Variants in WDFY4 observed in about 807,000 individuals in gnomAD.
WDFY4 encodes the protein WD repeat- and FYVE domain-containing protein 4.
A neutral mutation model predicts 351.9 loss-of-function variants in WDFY4; 169 were observed. That is an observed-to-expected ratio of 0.48 (90% CI 0.42 to 0.55). The LOEUF is 0.55. WDFY4 is among the 20% of genes least tolerant of loss of function. WDFY4 has a pLI of 0.00. For missense variants in WDFY4, 3,803 were observed against 3,935.6 expected, an observed-to-expected ratio of 0.97 and a Z score of 0.90; for synonymous variants, 1,622 against 1,574.6, an observed-to-expected ratio of 1.03 and a Z score of -0.71.
At chr10:48,777,304 G>C in intron 16 of WDFY4, 115 bp from the exon 17 acceptor site, 1 of 1,004,236 alleles carries the variant, frequency 1.0e-6, no homozygotes, top group Admixed American at 2.0e-5. Context: ...GGTCTAAGGA[G>C]GGTTACAGTG....
At chr10:48,942,381 T>C (rs1269940099) in intron 48 of WDFY4, among the ~76,000 whole-genome samples, 1 of 151,622 alleles carries the variant, frequency 6.6e-6, no homozygotes, top group Non-Finnish European at 1.5e-5. Flanking sequence ...CGTGTGTGCG[T>C]GTGTGTGTGT....
At chr10:48,853,331 C>T (rs1196541515) in intron 39 of WDFY4, among the ~76,000 whole-genome samples, 1 of 152,200 alleles carries the variant, frequency 6.6e-6, no homozygotes, top group Non-Finnish European at 1.5e-5. Flanking sequence ...AAAATGTCTT[C>T]ATGTCACACA....
intron 18 of WDFY4, 49 bp downstream of exon 18, chr10:48,778,881 G>A (rs1220123435): frequency 1.3e-6 from 2 of 1,535,236 alleles, no homozygotes; most frequent in African/African-American, 2.7e-5. Flanking sequence ...TGGGGGAAAT[G>A]GGGCTAAGTC....
At chr10:48,826,590 T>A (rs6537578) in intron 35 of WDFY4, 81 bp from the exon 36 acceptor site, 145,179 of 1,105,256 alleles carry the variant, frequency 0.13, 10,928 homozygotes, top group African/African-American at 0.3. Flanking sequence ...ATTATACTAT[T>A]TTTGTGGTAA....
chr10:48,740,691 G>A (rs1002321659), intron 11 of WDFY4, among the ~76,000 whole-genome samples: 8 of 152,250 alleles, frequency 5.3e-5, no homozygotes, highest in African/African-American at 1.9e-4. Context: ...GGAGAAAGCA[G>A]TATCATTGCC....
intron 57 of WDFY4, 85 bp from the exon 58 acceptor site, chr10:48,974,777 A>G (rs73298969): frequency 0.06 from 80,887 of 1,357,972 alleles, 3,951 homozygotes; most frequent in African/African-American, 0.23. Context: ...CTCATCCAGC[A>G]CCCAGCTTTA....
intron 38 of WDFY4, 52 bp downstream of exon 38, chr10:48,830,937 C>G: frequency 6.6e-7 from 1 of 1,517,362 alleles, no homozygotes; most frequent in Non-Finnish European, 8.9e-7. Context: ...CTCACAGAGC[C>G]AGACTCCCGC....
At chr10:48,893,349 G>A (rs999358744) in intron 44 of WDFY4, among the ~76,000 whole-genome samples, 1 of 152,160 alleles carries the variant, frequency 6.6e-6, no homozygotes, top group African/African-American at 2.4e-5. Flanking sequence ...ACAGTGTGAG[G>A]TACTGAGGGT....
chr10:48,811,701 G>C lies in WDFY4; in HGVS notation c.5207G>C (p.Gly1736Ala). The C allele has an allele frequency of 6.4e-7, 1 of 1,551,526 alleles. No individual in the cohort carries two copies. The highest frequency in any genetic ancestry group is 8.7e-7 in the Non-Finnish European group (1 of 1,146,906). Reference protein sequence around the residue: ...LQTPLTELMDGPKDSLDAMLQ... With the variant: ...LQTPLTELMDAPKDSLDAMLQ... ...ACACCACTCACAGAGCTGATGGACG[G>C]GCCCAAAGTAGGTTTTCAGAGCACC... The change falls in exon 30 of 62, where the codon GGG becomes GCG. Residue 1736 changes from glycine (G) to alanine (A), a missense_variant. Physicochemically the swap from Gly to Ala is moderately conservative, Grantham distance 60 (BLOSUM62 0). Transcript: ENST00000325239.
At position 48,941,781 on chromosome 10, in the gene WDFY4, A is replaced by G. The variant is rs1331702024; in HGVS notation, c.7587-25A>G. The G allele has an allele frequency of 1.9e-6, 3 of 1,551,432 alleles. No homozygotes were observed. In the South Asian group the frequency reaches 3.6e-5, roughly 18 times the overall value. On this transcript the variant is annotated intron_variant, in intron 47 of 61. Transcript: ENST00000325239. ...TATTCTTGCCTTGGTATATTTAGTC[A>G]CCACCTTGGTTTTCTGTCCCACAGG...
At chr10:48,915,376 C>T (rs1401792161) in intron 47 of WDFY4, among the ~76,000 whole-genome samples, 2 of 151,704 alleles carry the variant, frequency 1.3e-5, no homozygotes, top group African/African-American at 2.4e-5. Context: ...TTCTGGGACC[C>T]CCTTTTCTTT....
intron 47 of WDFY4, among the ~76,000 whole-genome samples, chr10:48,941,434 G>A (rs898999171): frequency 3.3e-5 from 5 of 152,132 alleles, no homozygotes; most frequent in South Asian, 2.1e-4. Flanking sequence ...TTTTATCCAC[G>A]AGCAAAACAA....
chr10:48,778,466 C>T (rs1191635667), intron 17 of WDFY4, 145 bp from the exon 18 acceptor site: 5 of 804,864 alleles, frequency 6.2e-6, no homozygotes, highest in Non-Finnish European at 9.8e-6. Context: ...AGGCAGCATG[C>T]CATAATGGGG....
At chr10:48,838,937 G>A (rs1183248459) in intron 39 of WDFY4, among the ~76,000 whole-genome samples, 1 of 152,220 alleles carries the variant, frequency 6.6e-6, no homozygotes, top group South Asian at 2.1e-4. Context: ...TCCTGCTGAT[G>A]AGAGGAGGGT....
intron 43 of WDFY4, chr10:48,878,793 G>C (rs527889319): frequency 3.9e-5 from 6 of 152,646 alleles, no homozygotes; most frequent in East Asian, 1.9e-4. Context: ...TGACCTCAGC[G>C]CTTCACCTGT....
chr10:48,877,825 C>T (rs190619586), intron 43 of WDFY4, among the ~76,000 whole-genome samples: 4 of 152,334 alleles, frequency 2.6e-5, no homozygotes, highest in Admixed American at 2.6e-4. Flanking sequence ...CGGAGCCCCA[C>T]TCTTCGTGTG....
At chr10:48,746,467 A>G (rs1336921109) in intron 12 of WDFY4, among the ~76,000 whole-genome samples, 1 of 151,974 alleles carries the variant, frequency 6.6e-6, no homozygotes, top group Non-Finnish European at 1.5e-5. Flanking sequence ...TTTTTCTTGT[A>G]AACAATAAGG....
At chr10:48,954,040 C>T (rs1383267180) in intron 51 of WDFY4, among the ~76,000 whole-genome samples, 1 of 152,216 alleles carries the variant, frequency 6.6e-6, no homozygotes, top group Non-Finnish European at 1.5e-5. Context: ...CAGGAATAGT[C>T]CTTGCTAGCC....
At chr10:48,973,388 C>G (rs1842417253) in intron 57 of WDFY4, among the ~76,000 whole-genome samples, 1 of 152,234 alleles carries the variant, frequency 6.6e-6, no homozygotes. Context: ...CCGGCACCAT[C>G]TGGTTGGCGT....
Sources: allele counts gnomAD v4.1 joint callset (sites outside exome capture counted in the v4.1 genomes callset), GRCh38; gene constraint gnomAD v4.1.1; transcripts MANE v1.5; gene names NCBI Gene and HGNC (gene_info 2026-07-23, HGNC 2026-07-21).